The following C19orf47 variants were observed in gnomAD, a reference collection of about 807,000 sequenced individuals.
C19orf47 encodes the protein chromosome 19 open reading frame 47.
Under a neutral mutation model 32.3 loss-of-function variants are expected in C19orf47, and 18 were observed. The observed-to-expected ratio is 0.56, with a 90% CI of 0.39 to 0.83. C19orf47 has a LOEUF of 0.83. Ranked by LOEUF, C19orf47 falls within the 40% of genes least tolerant of loss-of-function variation. C19orf47 has a pLI of 0.00. For synonymous variants in C19orf47, 202 were observed against 211.1 expected (o/e 0.96, Z 0.37); for missense variants, 484 against 531.6 (o/e 0.91, Z 0.88).
intron 2 of C19orf47, among the ~76,000 whole-genome samples, chr19:40,337,389 T>C (rs1056273923): frequency 6.6e-6 from 1 of 151,482 alleles, no homozygotes; most frequent in Non-Finnish European, 1.5e-5. Flanking sequence ...CCTATGAAAC[T>C]TTATTCTTTC....
the C19orf47 span, among the ~76,000 whole-genome samples, chr19:40,297,563 T>C: frequency 6.6e-6 from 1 of 152,066 alleles, no homozygotes; most frequent in African/African-American, 2.4e-5. Context: ...TAGCTGGGCA[T>C]GGTGGCGGGC....
chr19:40,327,720 T>C (rs2145543984), intron 6 of C19orf47, among the ~76,000 whole-genome samples: 1 of 152,230 alleles, frequency 6.6e-6, no homozygotes, highest in African/African-American at 2.4e-5. Flanking sequence ...TGCAGGCCCA[T>C]TCCCAGCTCT....
intron 8 of C19orf47, 114 bp downstream of exon 8, chr19:40,323,892 G>A (rs770726702): frequency 3.0e-5 from 38 of 1,279,680 alleles, no homozygotes; most frequent in Non-Finnish European, 4.2e-5. Context: ...GGCTGGAAAG[G>A]CAGGTTAGAC....
At chr19:40,311,034 T>C in the C19orf47 span, among the ~76,000 whole-genome samples, 1 of 151,996 alleles carries the variant, frequency 6.6e-6, no homozygotes, top group Non-Finnish European at 1.5e-5. Flanking sequence ...GTCCAGGACT[T>C]CAAGACCAAC....
the C19orf47 span, among the ~76,000 whole-genome samples, chr19:40,309,370 G>A: frequency 2.6e-5 from 4 of 151,976 alleles, no homozygotes; most frequent in Non-Finnish European, 5.9e-5. Flanking sequence ...TGTATTTTTA[G>A]TAGGGACGGG....
At chr19:40,328,344 A>AC (rs1196182640) in intron 6 of C19orf47, 69 bp downstream of exon 6, 25 of 1,576,588 alleles carry the variant, frequency 1.6e-5, no homozygotes, top group African/African-American at 4.1e-5. Flanking sequence ...TGGAAGCATG[A>AC]CCCCCAACAC....
At chr19:40,334,615 G>A (rs1391535281) in intron 4 of C19orf47, among the ~76,000 whole-genome samples, 5 of 152,158 alleles carry the variant, frequency 3.3e-5, no homozygotes, top group Admixed American at 2.6e-4. Flanking sequence ...GGGCATGGTG[G>A]CGCACGCCTG....
At chr19:40,297,872 CAAA>C in the C19orf47 span, among the ~76,000 whole-genome samples, 2 of 105,000 alleles carry the variant, frequency 1.9e-5, no homozygotes. Context: ...GACTCCGTCT[CAAA>C]AAAAAAAAAA....
At chr19:40,318,084 T>A (rs1037796287), downstream of C19orf47, among the ~76,000 whole-genome samples, 2 of 152,092 alleles carry the variant, frequency 1.3e-5, no homozygotes, top group Non-Finnish European at 2.9e-5. Flanking sequence ...TCAAATCTGC[T>A]ATCAAGGCAG....
chr19:40,328,635 G>A, intron 5 of C19orf47, 85 bp from the exon 6 acceptor site: 2 of 1,483,170 alleles, frequency 1.3e-6, no homozygotes, highest in East Asian at 2.4e-5. Context: ...GGATGGAGAA[G>A]GTGAGGCTTG....
chr19:40,338,184 C>T (rs2078103080), intron 2 of C19orf47, among the ~76,000 whole-genome samples: 1 of 151,316 alleles, frequency 6.6e-6, no homozygotes, highest in African/African-American at 2.4e-5. Flanking sequence ...AAGCGATCTT[C>T]CCACCTCAGC....
chr19:40,330,064 A>T (rs545419532), intron 5 of C19orf47, among the ~76,000 whole-genome samples: 1 of 152,122 alleles, frequency 6.6e-6, no homozygotes, highest in African/African-American at 2.4e-5. Flanking sequence ...GAATACAAAG[A>T]ACTGTTCTCT....
chr19:40,316,832 T>G (rs1417115611), downstream of C19orf47, among the ~76,000 whole-genome samples: 1 of 152,186 alleles, frequency 6.6e-6, no homozygotes, highest in Admixed American at 6.5e-5. Flanking sequence ...TAGGACTACT[T>G]GTAATAGCAC....
chr19:40,336,936 G>C (rs2078077747), intron 2 of C19orf47, among the ~76,000 whole-genome samples: 1 of 152,176 alleles, frequency 6.6e-6, no homozygotes, highest in Non-Finnish European at 1.5e-5. Context: ...CTCAGAGAGA[G>C]GCATGGAAGT....
intron 8 of C19orf47, among the ~76,000 whole-genome samples, chr19:40,323,692 A>G (rs1158528609): frequency 6.6e-6 from 1 of 152,154 alleles, no homozygotes; most frequent in African/African-American, 2.4e-5. Context: ...GACAGACTGC[A>G]ATGGGGAGGG....
At chr19:40,323,903 G>A (rs1485808143) in intron 8 of C19orf47, 103 bp downstream of exon 8, 35 of 1,409,670 alleles carry the variant, frequency 2.5e-5, no homozygotes, top group South Asian at 1.4e-4. Flanking sequence ...CAGGTTAGAC[G>A]GCCCTGGGCC....
chr19:40,307,859 T>C, the C19orf47 span, among the ~76,000 whole-genome samples: 38 of 150,800 alleles, frequency 2.5e-4, 1 homozygote, highest in Middle Eastern at 0.021. Context: ...AGTGCAGTGA[T>C]GCAATTTTGG....
At chr19:40,332,327 C>T (rs1326044462) in intron 5 of C19orf47, among the ~76,000 whole-genome samples, 1 of 150,484 alleles carries the variant, frequency 6.6e-6, no homozygotes, top group African/African-American at 2.4e-5. Context: ...CGCACTCCAA[C>T]GTAGGCAACA....
the C19orf47 span, among the ~76,000 whole-genome samples, chr19:40,312,468 C>T: frequency 1.3e-5 from 2 of 152,052 alleles, no homozygotes; most frequent in Non-Finnish European, 2.9e-5. Flanking sequence ...TGGCGTGAAC[C>T]CAGGAGGCGG....
Sources: allele counts gnomAD v4.1 joint callset (sites outside exome capture counted in the v4.1 genomes callset), GRCh38; gene constraint gnomAD v4.1.1; transcripts MANE v1.5; gene names NCBI Gene and HGNC (gene_info 2026-07-23, HGNC 2026-07-21).